Variants in PAX2 observed in about 807,000 individuals in gnomAD.
PAX2 encodes paired box protein Pax-2.
A neutral mutation model predicts 41.7 loss-of-function variants in PAX2; 9 were observed. The ratio of observed to expected loss-of-function variants is 0.22; its 90% CI spans 0.13 to 0.38. The LOEUF (loss-of-function observed/expected upper bound fraction) is 0.38, where lower values mean the gene tolerates loss of function less well. Ranked by LOEUF, PAX2 falls within the 10% of genes least tolerant of loss-of-function variation. The probability of loss-of-function intolerance (pLI) is 1.00; values close to 1 mark genes in which losing one functional copy is unlikely to be tolerated. For missense variants in PAX2, 418 were observed against 531.6 expected (o/e 0.79, Z 2.10); for synonymous variants, 221 against 212.7 (o/e 1.04, Z -0.34).
chr10:100,755,246 G>T (rs1274701900), intron 3 of PAX2, among the ~76,000 whole-genome samples: 1 of 152,232 alleles, frequency 6.6e-6, no homozygotes, highest in East Asian at 1.9e-4. Flanking sequence ...CCACAGTCCT[G>T]TTGGTCTGAC....
At chr10:100,808,488 A>G (rs975649944) in intron 6 of PAX2, among the ~76,000 whole-genome samples, 1 of 152,168 alleles carries the variant, frequency 6.6e-6, no homozygotes, top group Non-Finnish European at 1.5e-5. Flanking sequence ...CCGTGGCTGC[A>G]ATAAAAAGGC....
At chr10:100,741,426 A>C (rs1262410252), upstream of PAX2, among the ~76,000 whole-genome samples, 2 of 141,512 alleles carry the variant, frequency 1.4e-5, no homozygotes, top group East Asian at 3.9e-4. Context: ...AAAAAAAAAA[A>C]AAAACCATCC....
intron 7 of PAX2, among the ~76,000 whole-genome samples, chr10:100,815,219 GC>G (rs759887089): frequency 5.9e-5 from 9 of 152,174 alleles, no homozygotes; most frequent in African/African-American, 9.7e-5. Flanking sequence ...CCCTTGGCCA[GC>G]CCCCGGGGGA....
At chr10:100,803,029 C>A (rs765059061) in intron 5 of PAX2, among the ~76,000 whole-genome samples, 1 of 152,042 alleles carries the variant, frequency 6.6e-6, no homozygotes, top group Non-Finnish European at 1.5e-5. Flanking sequence ...CGGGAGAACC[C>A]TCTAGGTGGT....
At chr10:100,763,248 G>A (rs192257194) in intron 3 of PAX2, among the ~76,000 whole-genome samples, 15 of 152,274 alleles carry the variant, frequency 9.9e-5, no homozygotes, top group African/African-American at 1.4e-4. Context: ...CCAAACATCT[G>A]GATGGAAACC....
chr10:100,786,601 T>G (rs12268763), intron 5 of PAX2, among the ~76,000 whole-genome samples: 3,503 of 152,258 alleles, frequency 0.023, 141 homozygotes, highest in African/African-American at 0.081. Context: ...ACCTGGGTAG[T>G]GTGCGTGCTT....
intron 5 of PAX2, among the ~76,000 whole-genome samples, chr10:100,802,082 G>A (rs1367430321): frequency 1.3e-5 from 2 of 152,210 alleles, no homozygotes; most frequent in Admixed American, 6.5e-5. Flanking sequence ...GAATGAGGCT[G>A]AACCCTCCCT....
chr10:100,748,490 G>A lies in PAX2; in HGVS notation c.44-1256G>A, dbSNP rs1409467919. The stretch of plus-strand genomic sequence containing the variant: ...GATGTCCCCGCTTTCTCCGAAACTC[G>A]CGTGAGGCTAGCGGGGCAGGGGCTG... On this transcript the variant is annotated intron_variant, in intron 1 of 9. Coordinates refer to ENST00000355243, the MANE Select transcript of PAX2 (RefSeq NM_000278.5). This position sits in a 1 kb window ranked among gnomAD's most constrained non-coding sequence, Gnocchi z 5.0. 3 of 985,060 alleles carry A rather than the reference G, an allele frequency of 3.0e-6. No homozygotes were observed. In the East Asian group the frequency reaches 3.4e-4, roughly 112 times the overall value. The allele number at this position is 985,060 out of a possible 1,614,324, so 61.0% of individuals were successfully genotyped here.
rs1218457868 is a variant in PAX2 at position 100,750,441 on chromosome 10, C to T, written c.213-253C>T. 1.3e-5 allele frequency among the ~76,000 whole-genome samples: 2 copies of T among 152,192 alleles called. No homozygotes were observed. Among genetic ancestry groups the T allele is most frequent in the South Asian group, 4.1e-4 (2 of 4,830 alleles). Reference sequence around the variant, plus strand: ...GCTGGGCTTTCACTCCCACGGGTGCCTATTTGGGCTGGTGCGAACCCAGCC... The same window carrying T: ...GCTGGGCTTTCACTCCCACGGGTGCTTATTTGGGCTGGTGCGAACCCAGCC... On this transcript the variant is annotated intron_variant, in intron 2 of 9. Transcript: ENST00000355243. This position sits in a 1 kb window ranked among gnomAD's most constrained non-coding sequence, Gnocchi z 4.1.
At chr10:100,743,112 C>T (rs1845028340), upstream of PAX2, among the ~76,000 whole-genome samples, 1 of 151,884 alleles carries the variant, frequency 6.6e-6, no homozygotes, top group Admixed American at 6.6e-5. Context: ...GGCCAGGAGC[C>T]GGCCTGGCGG....
Position 100,750,683 on chromosome 10 carries a change from TC to T in PAX2, c.213-8del, listed in dbSNP as rs1335528634. The T allele has an allele frequency of 6.2e-6, 10 of 1,613,246 alleles. No homozygotes were observed. The highest frequency in any genetic ancestry group is 1.7e-6 in the Non-Finnish European group (2 of 1,179,420). The stretch of plus-strand genomic sequence containing the variant: ...CGCTTCTGGCTGACCCCGCCGGCTT[TC>T]CCGGCGCAGGTACTACGAGACCGGC... On this transcript the variant is annotated splice_polypyrimidine_tract_variant and intron_variant, in intron 2 of 9. Coordinates refer to ENST00000355243, the MANE Select transcript of PAX2 (RefSeq NM_000278.5). This position sits in a 1 kb window ranked among gnomAD's most constrained non-coding sequence, Gnocchi z 4.1.
At position 100,829,748 on chromosome 10, in the gene PAX2, G is replaced by C. The variant is rs967329765; in HGVS notation, c.*2129G>C. On this transcript the variant is annotated 3_prime_UTR_variant, in exon 10 of 10. Coordinates refer to ENST00000355243, the MANE Select transcript of PAX2 (RefSeq NM_000278.5). ...GAGGGCGGCGAGGGCGCCGAGGTCC[G>C]GCCCATCCCAGTCCTGTGGGGCTGG... 2 of 204,502 alleles carry C rather than the reference G, an allele frequency of 9.8e-6. No individual in the cohort carries two copies. The highest frequency in any genetic ancestry group is 4.6e-5 in the African/African-American group (2 of 43,580). The allele number at this position is 204,502 out of a possible 1,614,324, so 12.7% of individuals were successfully genotyped here.
chr10:100,764,337 G>T (rs1244373188), intron 3 of PAX2, among the ~76,000 whole-genome samples: 1 of 151,832 alleles, frequency 6.6e-6, no homozygotes, highest in African/African-American at 2.4e-5. Flanking sequence ...TAGAGACAGG[G>T]TTTCACCTGT....
rs12259456 is a variant in PAX2, at chr10:100,750,231, G to A, written c.212+317G>A. On this transcript the variant is annotated intron_variant, in intron 2 of 9. Transcript: ENST00000355243. This position sits in a 1 kb window ranked among gnomAD's most constrained non-coding sequence, Gnocchi z 4.1. ...GGCAGATACGGGGTGGGAGACATTA[G>A]AGGAATGGGGGGGGAGTGAAAATGG... 0.084 allele frequency among the ~76,000 whole-genome samples: 12,756 copies of A among 151,328 alleles called. 1,623 individuals are homozygous for A. Among genetic ancestry groups the A allele is most frequent in the African/African-American group, 0.28 (11,254 of 40,718 alleles).
chr10:100,825,617 C>G (rs959677215), intron 8 of PAX2, among the ~76,000 whole-genome samples: 1 of 152,200 alleles, frequency 6.6e-6, no homozygotes, highest in Non-Finnish European at 1.5e-5. Flanking sequence ...TCCCTCTGGC[C>G]GCCCTCTATG....
intron 3 of PAX2, among the ~76,000 whole-genome samples, chr10:100,774,409 G>C (rs576860599): frequency 6.6e-6 from 1 of 152,158 alleles, no homozygotes; most frequent in Non-Finnish European, 1.5e-5. Context: ...AGTGGGGCTT[G>C]GTCCAGCCCC....
chr10:100,749,433 C>T, intron 1 of PAX2: 2 of 1,212,430 alleles, frequency 1.6e-6, no homozygotes, highest in Non-Finnish European at 2.1e-6. Flanking sequence ...GCATGAATTC[C>T]CCTTTGGCAT....
In PAX2 at chr10:100,827,489, G is replaced by T. The variant is rs1848616388; in HGVS notation, c.1109-54G>T. The T allele has an allele frequency of 1.9e-6, 3 of 1,566,204 alleles. No individual in the cohort carries two copies. The highest frequency in any genetic ancestry group is 2.6e-6 in the Non-Finnish European group (3 of 1,136,772). ...TTTCTGTGCTTTTCTTTCCTTTTTT[G>T]TTCTCCTGTTTGTCCTCTCACCCAG... On this transcript the variant is annotated intron_variant, in intron 9 of 9. Coordinates refer to ENST00000355243, the MANE Select transcript of PAX2 (RefSeq NM_000278.5). This position sits in a 1 kb window ranked among gnomAD's most constrained non-coding sequence, Gnocchi z 8.5.
chr10:100,812,121 G>A lies in PAX2; in HGVS notation c.919+2885G>A, dbSNP rs146789009. ...CACATTGCAAGCAAGGGTGGCTGCC[G>A]GAGGCTAGGGCTCAGCCCCATAGCC... On this transcript the variant is annotated intron_variant, in intron 7 of 9. Coordinates refer to ENST00000355243, the MANE Select transcript of PAX2 (RefSeq NM_000278.5). Among the ~76,000 whole-genome samples, 982 of 152,270 alleles carry A rather than the reference G, an allele frequency of 6.4e-3. 13 individuals are homozygous for A. The highest frequency in any genetic ancestry group is 0.022 in the African/African-American group (934 of 41,560).
Sources: allele counts gnomAD v4.1 joint callset (sites outside exome capture counted in the v4.1 genomes callset), GRCh38; gene constraint gnomAD v4.1.1; non-coding constraint Gnocchi (gnomAD v3.1); transcripts MANE v1.5; gene names NCBI Gene and HGNC (gene_info 2026-07-23, HGNC 2026-07-21).